PDE3A: variants seen among roughly 807,000 people sequenced by gnomAD.
The protein encoded by PDE3A is cGMP-inhibited 3',5'-cyclic phosphodiesterase 3A.
A neutral mutation model predicts 98.3 loss-of-function variants in PDE3A; 43 were observed. The observed-to-expected ratio is 0.44, with a 90% CI of 0.34 to 0.56. PDE3A has a LOEUF of 0.56. PDE3A is among the 20% of genes least tolerant of loss of function. The pLI is 0.01. For missense variants in PDE3A, 1,427 were observed against 1,440.7 expected (o/e 0.99, Z 0.15); for synonymous variants, 663 against 567.9 (o/e 1.17, Z -2.38).
At chr12:20,474,296 A>G (rs1428539378) in intron 1 of PDE3A, among the ~76,000 whole-genome samples, 5 of 152,160 alleles carry the variant, frequency 3.3e-5, no homozygotes, top group African/African-American at 9.7e-5. Flanking sequence ...GTATTATTTC[A>G]TAAGATTCCT....
At chr12:20,674,789 A>G (rs1156809182) in intron 15 of PDE3A, among the ~76,000 whole-genome samples, 1 of 152,060 alleles carries the variant, frequency 6.6e-6, no homozygotes, top group East Asian at 1.9e-4. Context: ...ATCAGTTATA[A>G]TGTCTCCTTT....
At chr12:20,448,296 CCGGGCGTAGTG>C (rs1944994953) in intron 1 of PDE3A, among the ~76,000 whole-genome samples, 1 of 152,048 alleles carries the variant, frequency 6.6e-6, no homozygotes, top group African/African-American at 2.4e-5. Context: ...CAAAAATTAG[CCGGGCGTAGTG>C]CTGGGCACCT....
In PDE3A at chr12:20,646,569, T is replaced by C. The variant is rs1371889164; in HGVS notation, c.2331T>C (p.Thr777=). Reference sequence around the variant, plus strand: ...CACAGCCTATTCCAGGCCTCTCAACTGTGATTAATGATCATGGTTCAACCA... The same window carrying C: ...CACAGCCTATTCCAGGCCTCTCAACCGTGATTAATGATCATGGTTCAACCA... ...LTTQPIPGLS[T]VINDHGSTSD... is the part of the protein sequence containing the mutation. The change falls in exon 11 of 16, where the codon ACT becomes ACC. Residue 777 remains threonine (T), a synonymous_variant. Coordinates refer to ENST00000359062, the MANE Select transcript of PDE3A (RefSeq NM_000921.5). The C allele has an allele frequency of 3.1e-6, 5 of 1,603,818 alleles. No homozygotes were observed. Among genetic ancestry groups the C allele is most frequent in the Non-Finnish European group, 4.3e-6 (5 of 1,170,662 alleles).
At chr12:20,437,584 G>T (rs570356733) in intron 1 of PDE3A, among the ~76,000 whole-genome samples, 6 of 152,098 alleles carry the variant, frequency 3.9e-5, no homozygotes, top group African/African-American at 1.4e-4. Flanking sequence ...GTCACATGGC[G>T]AGAAAGGGAG....
intron 2 of PDE3A, among the ~76,000 whole-genome samples, chr12:20,572,781 A>G (rs1942831438): frequency 6.6e-6 from 1 of 152,156 alleles, no homozygotes; most frequent in Non-Finnish European, 1.5e-5. Flanking sequence ...AAGTGATTTT[A>G]GTGCTTTGGA....
At chr12:20,493,449 A>G (rs1372947168) in intron 1 of PDE3A, among the ~76,000 whole-genome samples, 3 of 152,214 alleles carry the variant, frequency 2.0e-5, no homozygotes, top group African/African-American at 7.2e-5. Context: ...TTTAAAGCAT[A>G]TGAAAGGATG....
chr12:20,486,376 G>T (rs140697086), intron 1 of PDE3A, among the ~76,000 whole-genome samples: 24 of 152,230 alleles, frequency 1.6e-4, no homozygotes, highest in African/African-American at 5.5e-4. Flanking sequence ...AGAATAGCAT[G>T]GGGAAGCCAT....
At chr12:20,473,378 T>A (rs1278046499) in intron 1 of PDE3A, among the ~76,000 whole-genome samples, 1 of 152,150 alleles carries the variant, frequency 6.6e-6, no homozygotes, top group Non-Finnish European at 1.5e-5. Context: ...GAGTTGGAGC[T>A]CAGGAATCTG....
chr12:20,615,491 T>C (rs1398403713), intron 3 of PDE3A, among the ~76,000 whole-genome samples: 1 of 152,098 alleles, frequency 6.6e-6, no homozygotes, highest in African/African-American at 2.4e-5. Flanking sequence ...GATAATAAAG[T>C]CAATAATACT....
chr12:20,637,091 A>T lies in PDE3A; in HGVS notation c.2002-9A>T. 6.4e-7 allele frequency: 1 copy of T among 1,562,046 alleles called. No individual in the cohort carries two copies. Among genetic ancestry groups the T allele is most frequent in the Non-Finnish European group, 8.6e-7 (1 of 1,157,950 alleles). ...TGCTGTTTAAGTATTTTAATGTTAA[A>T]CATTACAGGACAAACCAATTCTTGC... On this transcript the variant is annotated splice_polypyrimidine_tract_variant and intron_variant, in intron 8 of 15. Coordinates refer to ENST00000359062, the MANE Select transcript of PDE3A (RefSeq NM_000921.5).
At chr12:20,665,727 T>TGTAGTCA (rs1945291224) in intron 15 of PDE3A, among the ~76,000 whole-genome samples, 1 of 152,134 alleles carries the variant, frequency 6.6e-6, no homozygotes, top group Non-Finnish European at 1.5e-5. Flanking sequence ...CTACACTTGA[T>TGTAGTCA]TTTTTATAGT....
At chr12:20,669,670 G>A (rs56287809) in intron 15 of PDE3A, among the ~76,000 whole-genome samples, 9,254 of 151,710 alleles carry the variant, frequency 0.061, 565 homozygotes, top group Middle Eastern at 0.18. Flanking sequence ...GTCACCACCA[G>A]GCCTGCCCTA....
At chr12:20,611,023 T>C (rs1943836021) in intron 2 of PDE3A, among the ~76,000 whole-genome samples, 1 of 151,918 alleles carries the variant, frequency 6.6e-6, no homozygotes, top group Admixed American at 6.6e-5. Flanking sequence ...TACAGATTTT[T>C]GTTAAATAAG....
chr12:20,487,501 TAAAAAA>T (rs34671800), intron 1 of PDE3A, among the ~76,000 whole-genome samples: 2 of 61,998 alleles, frequency 3.2e-5, no homozygotes, highest in South Asian at 8.9e-4. Flanking sequence ...CTGTCTCTAC[TAAAAAA>T]AAAAAAAAAA....
intron 4 of PDE3A, among the ~76,000 whole-genome samples, chr12:20,618,755 C>A (rs757517305): frequency 6.6e-6 from 1 of 152,070 alleles, no homozygotes; most frequent in Non-Finnish European, 1.5e-5. Context: ...ATAGGAAAAG[C>A]TGAAATAAAT....
At chr12:20,631,094 T>C (rs1313888964) in intron 6 of PDE3A, among the ~76,000 whole-genome samples, 1 of 152,210 alleles carries the variant, frequency 6.6e-6, no homozygotes, top group African/African-American at 2.4e-5. Flanking sequence ...TTATTTATAA[T>C]TTTTATTTTT....
Position 20,581,347 on chromosome 12 carries a change from G to C in PDE3A, c.1011+24637G>C, listed in dbSNP as rs58500193. 8.2e-3 allele frequency among the ~76,000 whole-genome samples: 1,246 copies of C among 152,198 alleles called. 17 individuals carry two copies. Among genetic ancestry groups the C allele is most frequent in the African/African-American group, 0.029 (1,192 of 41,530 alleles). ...TTTGGTTTTGTTTTGTTTTGCTAAAGGGTCATCAAGCAGCACATGACTAAG... is the reference window on the plus strand; with the variant it reads ...TTTGGTTTTGTTTTGTTTTGCTAAACGGTCATCAAGCAGCACATGACTAAG... On this transcript the variant is annotated intron_variant, in intron 2 of 15. Coordinates refer to ENST00000359062, the MANE Select transcript of PDE3A (RefSeq NM_000921.5).
intron 1 of PDE3A, among the ~76,000 whole-genome samples, chr12:20,470,838 C>A (rs544385854): frequency 6.6e-6 from 1 of 152,030 alleles, no homozygotes; most frequent in Non-Finnish European, 1.5e-5. Context: ...GGTGAAGGGG[C>A]CTTTGGCAGG....
chr12:20,601,033 A>C (rs568199549), intron 2 of PDE3A, among the ~76,000 whole-genome samples: 1 of 152,296 alleles, frequency 6.6e-6, no homozygotes, highest in African/African-American at 2.4e-5. Context: ...CAGATACCAC[A>C]CTGGGGGAAT....
Sources: allele counts gnomAD v4.1 joint callset (sites outside exome capture counted in the v4.1 genomes callset), GRCh38; gene constraint gnomAD v4.1.1; transcripts MANE v1.5; gene names NCBI Gene and HGNC (gene_info 2026-07-23, HGNC 2026-07-21).